Variants in SLC46A3 observed in about 807,000 individuals in gnomAD.
The protein encoded by SLC46A3 is lysosomal proton-coupled steroid conjugate and bile acid symporter SLC46A3.
SLC46A3 carries 26 observed loss-of-function variants against 38.5 expected under a neutral mutation model. That is an observed-to-expected ratio of 0.68 (90% confidence interval 0.49 to 0.94). The LOEUF is 0.94. Among genes scored for constraint, SLC46A3 ranks in the 40% least tolerant of loss-of-function variants. The probability of loss-of-function intolerance (pLI) is 0.00; values close to 1 mark genes in which losing one functional copy is unlikely to be tolerated. For missense variants in SLC46A3, 510 were observed against 544.3 expected, an observed-to-expected ratio of 0.94 and a Z score of 0.63; for synonymous variants, 185 against 192.5, an observed-to-expected ratio of 0.96 and a Z score of 0.32.
At position 28,710,076 on chromosome 13, in the gene SLC46A3, G is replaced by A. The variant is rs1026703871; in HGVS notation, c.1144+684C>T. Reference sequence around the variant, plus strand: ...TGAAAAATATCCCTTTGTAATGAATGATCTAGGAGACCCGCACACACTTAG... The same window carrying A: ...TGAAAAATATCCCTTTGTAATGAATAATCTAGGAGACCCGCACACACTTAG... On this transcript the variant is annotated intron_variant, in intron 4 of 5. Transcript: ENST00000266943. 7.9e-5 allele frequency among the ~76,000 whole-genome samples: 12 copies of A among 152,286 alleles called. No homozygotes were observed. The South Asian group carries it at 2.5e-3, about 32-fold the overall frequency.
At chr13:28,702,259 A>G (rs1426234617) in intron 5 of SLC46A3, among the ~76,000 whole-genome samples, 6 of 152,160 alleles carry the variant, frequency 3.9e-5, no homozygotes, top group African/African-American at 7.2e-5. Flanking sequence ...TGCTGGGATT[A>G]TAGGTGTGAG....
At position 28,717,922 on chromosome 13, in the gene SLC46A3, T is replaced by G; in HGVS notation, c.77A>C (p.Gln26Pro). 1 of 1,614,176 alleles carries G rather than the reference T, an allele frequency of 6.2e-7. No homozygotes were observed. The highest frequency in any genetic ancestry group is 8.5e-7 in the Non-Finnish European group (1 of 1,180,026). ...AMTLTGPLTT[Q>P]YVYRRIWEET... ...TTCCCATATTCTCCGATAAACATAT[T>G]GCGTTGTCAGTGGACCGGTCAAAGT... The change falls in exon 2 of 6, where the codon CAA becomes CCA. Residue 26 changes from glutamine to proline, a missense_variant. Coordinates refer to ENST00000266943, the MANE Select transcript of SLC46A3 (RefSeq NM_181785.4).
chr13:28,713,821 T>C (rs1885443468), intron 2 of SLC46A3, among the ~76,000 whole-genome samples: 1 of 152,226 alleles, frequency 6.6e-6, no homozygotes, highest in Non-Finnish European at 1.5e-5. Context: ...TATAATGAGA[T>C]ACCTTGTGGA....
intron 5 of SLC46A3, among the ~76,000 whole-genome samples, chr13:28,702,170 G>T (rs1885042463): frequency 6.6e-6 from 1 of 151,088 alleles, no homozygotes; most frequent in African/African-American, 2.4e-5. Context: ...TTTTGGTAAA[G>T]ATGGGGGTCC....
intron 4 of SLC46A3, among the ~76,000 whole-genome samples, chr13:28,708,003 G>T (rs537169863): frequency 6.6e-6 from 1 of 152,226 alleles, no homozygotes; most frequent in South Asian, 2.1e-4. Flanking sequence ...GTTATGGCAT[G>T]TAACAGAACG....
chr13:28,709,186 G>A (rs1161718592), intron 4 of SLC46A3, among the ~76,000 whole-genome samples: 1 of 151,936 alleles, frequency 6.6e-6, no homozygotes, highest in Non-Finnish European at 1.5e-5. Flanking sequence ...GCCAGGCATG[G>A]TGGCAGGAGC....
chr13:28,710,191 C>T (rs761206422), intron 4 of SLC46A3, among the ~76,000 whole-genome samples: 12 of 152,148 alleles, frequency 7.9e-5, no homozygotes, highest in South Asian at 2.1e-4. Context: ...TGGAGCCCAC[C>T]CCCATTCTGC....
rs11321003 is a variant in SLC46A3, at chr13:28,709,322, CAA to C, written c.1144+1436_1144+1437del. 5.2e-3 allele frequency among the ~76,000 whole-genome samples: 675 copies of C among 130,224 alleles called. 1 individual carries two copies. The highest frequency in any genetic ancestry group is 0.013 in the African/African-American group (443 of 34,902). The allele number at this position is 130,224 out of a possible 152,430, so 85.4% of individuals were successfully genotyped here. On this transcript the variant is annotated intron_variant, in intron 4 of 5. Coordinates refer to ENST00000266943, the MANE Select transcript of SLC46A3 (RefSeq NM_181785.4). ...GGGCAGCAAGAGTGAAACTCCGTCT[CAA>C]AAAAAAAAAAAAAGAGAGAAAGTAA...
Position 28,701,268 on chromosome 13 carries a change from G to C in SLC46A3, c.*229C>G, listed in dbSNP as rs1310774445. On this transcript the variant is annotated 3_prime_UTR_variant, in exon 6 of 6. Transcript: ENST00000266943. ...TAAAAGTGAGGCGTATTTGAAATTT[G>C]TTCTGTGTATTGCAAGTATATTGCA... is the stretch of plus-strand genomic sequence containing the variant. 2 of 1,399,978 alleles carry C rather than the reference G, an allele frequency of 1.4e-6. No homozygotes were observed. The highest frequency in any genetic ancestry group is 1.9e-6 in the Non-Finnish European group (2 of 1,080,542). The allele number at this position is 1,399,978 out of a possible 1,614,324, so 86.7% of individuals were successfully genotyped here.
Position 28,701,447 on chromosome 13 carries a change from G to A in SLC46A3, c.*50C>T. The A allele has an allele frequency of 6.3e-7, 1 of 1,592,618 alleles. No homozygotes were observed. Among genetic ancestry groups the A allele is most frequent in the Non-Finnish European group, 8.5e-7 (1 of 1,173,104 alleles). ...TTCATTTATAGTCTTCAGAAGTCATGGTATATGATATGTGCATTCATAGAT... is the reference window on the plus strand; with the variant it reads ...TTCATTTATAGTCTTCAGAAGTCATAGTATATGATATGTGCATTCATAGAT... On this transcript the variant is annotated 3_prime_UTR_variant, in exon 6 of 6. Transcript: ENST00000266943.
intron 2 of SLC46A3, among the ~76,000 whole-genome samples, chr13:28,714,609 C>T (rs760991853): frequency 3.9e-5 from 6 of 152,164 alleles, no homozygotes; most frequent in Non-Finnish European, 5.9e-5. Context: ...ATTAGCCAGG[C>T]GTGGTGGCGT....
rs1884992538 is a variant in SLC46A3, at chr13:28,700,729, G to A, written c.*768C>T. ...TTCATTCAGTTTTTTAACTTCTTTA[G>A]AGCAATTTTATTTATCATCTATTTT... On this transcript the variant is annotated 3_prime_UTR_variant, in exon 6 of 6. Coordinates refer to ENST00000266943, the MANE Select transcript of SLC46A3 (RefSeq NM_181785.4). The A allele has an allele frequency of 4.5e-6, 2 of 444,978 alleles. No homozygotes were observed. The highest frequency in any genetic ancestry group is 8.1e-6 in the Non-Finnish European group (2 of 247,176). 27.6% of individuals were successfully genotyped at this position (444,978 alleles called of 1,614,324 possible).
chr13:28,714,792 T>C (rs890324637), intron 2 of SLC46A3, among the ~76,000 whole-genome samples: 1 of 152,184 alleles, frequency 6.6e-6, no homozygotes, highest in Non-Finnish European at 1.5e-5. Context: ...TAGTATGTCA[T>C]GACCTGAGGA....
chr13:28,705,158 T>C (rs1307393979), intron 4 of SLC46A3, among the ~76,000 whole-genome samples: 1 of 152,234 alleles, frequency 6.6e-6, no homozygotes, highest in East Asian at 1.9e-4. Context: ...AGTTCCTATA[T>C]ATGTAGCTTC....
Position 28,708,617 on chromosome 13 carries a change from T to TC in SLC46A3, c.1144+2142_1144+2143insG, listed in dbSNP as rs548211792. Reference sequence around the variant, plus strand: ...TCACTTTCTTTCTTTTTCTTTTCTTTTTTTTTTTTTTTTTTGTATTTTTAG... The same window carrying TC: ...TCACTTTCTTTCTTTTTCTTTTCTTTCTTTTTTTTTTTTTTTGTATTTTTAG... On this transcript the variant is annotated intron_variant, in intron 4 of 5. Transcript: ENST00000266943. Among the ~76,000 whole-genome samples the TC allele has an allele frequency of 6.3e-3, 929 of 147,596 alleles. 8 individuals carry two copies. Among genetic ancestry groups the TC allele is most frequent in the African/African-American group, 0.022 (880 of 40,386 alleles).
chr13:28,712,393 T>C (rs1274652968), intron 3 of SLC46A3, among the ~76,000 whole-genome samples: 5 of 152,224 alleles, frequency 3.3e-5, no homozygotes, highest in African/African-American at 1.2e-4. Flanking sequence ...ATCTTCACTT[T>C]AATGAAAGCT....
Position 28,700,937 on chromosome 13 carries a change from C to T in SLC46A3, c.*560G>A. ...GTCACAGTATATAAGCTCCGACTAT[C>T]AATAGCAGCTTAACAGGCTCTATAA... On this transcript the variant is annotated 3_prime_UTR_variant, in exon 6 of 6. Coordinates refer to ENST00000266943, the MANE Select transcript of SLC46A3 (RefSeq NM_181785.4). 2 of 1,503,338 alleles carry T rather than the reference C, an allele frequency of 1.3e-6. No homozygotes were observed. Among genetic ancestry groups the T allele is most frequent in the Non-Finnish European group, 1.8e-6 (2 of 1,104,256 alleles). 93.1% of individuals were successfully genotyped at this position (1,503,338 alleles called of 1,614,324 possible).
At chr13:28,718,472 GA>G (rs1299750879) in intron 1 of SLC46A3, 23 bp downstream of exon 1, 1 of 152,892 alleles carries the variant, frequency 6.5e-6, no homozygotes, top group African/African-American at 2.4e-5. Context: ...GCTCCCAATC[GA>G]AAGGGCCTTA....
Position 28,700,859 on chromosome 13 carries a change from G to A in SLC46A3, c.*638C>T. The A allele has an allele frequency of 9.8e-7, 1 of 1,021,038 alleles. No homozygotes were observed. Among genetic ancestry groups the A allele is most frequent in the Non-Finnish European group, 1.4e-6 (1 of 700,994 alleles). The allele number at this position is 1,021,038 out of a possible 1,614,324, so 63.2% of individuals were successfully genotyped here. The stretch of plus-strand genomic sequence containing the variant: ...ATTCTTTAAAGTGCCTCCCTTTTAA[G>A]GATTTTGTATCAACAAAGCACTGAT... On this transcript the variant is annotated 3_prime_UTR_variant, in exon 6 of 6. Coordinates refer to ENST00000266943, the MANE Select transcript of SLC46A3 (RefSeq NM_181785.4).
Sources: allele counts gnomAD v4.1 joint callset (sites outside exome capture counted in the v4.1 genomes callset), GRCh38; gene constraint gnomAD v4.1.1; transcripts MANE v1.5; gene names NCBI Gene and HGNC (gene_info 2026-07-23, HGNC 2026-07-21).